Variants in CNGB3 observed in about 807,000 individuals in gnomAD.
CNGB3 encodes cyclic nucleotide gated channel subunit beta 3, also known as cyclic nucleotide-gated channel beta-3.
Under a neutral mutation model 92.8 loss-of-function variants are expected in CNGB3, and 86 were observed. The observed-to-expected ratio is 0.93, with a 90% CI of 0.78 to 1.11. The LOEUF is 1.11. Ranked by LOEUF, CNGB3 falls within the 50% of genes least tolerant of loss-of-function variation. The pLI, the probability that CNGB3 is intolerant of heterozygous loss-of-function variation, is 0.00. For missense variants in CNGB3, 1,026 were observed against 956.8 expected (o/e 1.07, Z -0.95); for synonymous variants, 333 against 332.7 (o/e 1.00, Z -0.01).
chr8:86,623,367 T>C (rs1313060452), intron 13 of CNGB3, among the ~76,000 whole-genome samples: 1 of 152,184 alleles, frequency 6.6e-6, no homozygotes, highest in Non-Finnish European at 1.5e-5. Context: ...AGAAATTTAT[T>C]TCTCACAGTT....
At chr8:86,670,234 T>G (rs936455153) in intron 4 of CNGB3, among the ~76,000 whole-genome samples, 1 of 152,218 alleles carries the variant, frequency 6.6e-6, no homozygotes, top group Non-Finnish European at 1.5e-5. Flanking sequence ...GTTGATGTCC[T>G]TTGCTCTCTT....
At chr8:86,642,321 T>G (rs1358941436) in intron 10 of CNGB3, among the ~76,000 whole-genome samples, 1 of 151,852 alleles carries the variant, frequency 6.6e-6, no homozygotes, top group Non-Finnish European at 1.5e-5. Context: ...TTTAGTCAAT[T>G]TTTAGATAAA....
At chr8:86,685,422 G>A (rs1462090657) in intron 3 of CNGB3, among the ~76,000 whole-genome samples, 1 of 152,002 alleles carries the variant, frequency 6.6e-6, no homozygotes, top group African/African-American at 2.4e-5. Context: ...TATGCACGTC[G>A]ACGTTTGAGA....
At chr8:86,733,777 A>G (rs1825199007) in intron 2 of CNGB3, among the ~76,000 whole-genome samples, 7 of 152,204 alleles carry the variant, frequency 4.6e-5, no homozygotes, top group Admixed American at 4.6e-4. Context: ...TAAATTGTAT[A>G]TGCTAATTGT....
At chr8:86,610,173 C>T (rs975535368) in intron 14 of CNGB3, among the ~76,000 whole-genome samples, 2 of 152,120 alleles carry the variant, frequency 1.3e-5, no homozygotes, top group East Asian at 1.9e-4. Context: ...GGAGCCCAGA[C>T]GTCTTCATTC....
intron 3 of CNGB3, among the ~76,000 whole-genome samples, chr8:86,700,950 G>A (rs1468041359): frequency 6.6e-6 from 1 of 152,132 alleles, no homozygotes; most frequent in East Asian, 1.9e-4. Flanking sequence ...GGGAAGGAAT[G>A]TTTTTGAATC....
At chr8:86,665,994 T>A (rs75477362) in intron 6 of CNGB3, among the ~76,000 whole-genome samples, 2,567 of 152,336 alleles carry the variant, frequency 0.017, 68 homozygotes, top group African/African-American at 0.059. Context: ...CTCTACTACA[T>A]GGAGGCACTT....
intron 3 of CNGB3, among the ~76,000 whole-genome samples, chr8:86,675,476 C>T (rs1226326619): frequency 6.6e-6 from 1 of 152,060 alleles, no homozygotes; most frequent in East Asian, 1.9e-4. Flanking sequence ...CTCACTCTGT[C>T]ACCATCATAG....
chr8:86,626,205 G>T, intron 12 of CNGB3, 125 bp from the exon 13 acceptor site: 1 of 714,186 alleles, frequency 1.4e-6, no homozygotes, highest in East Asian at 2.7e-5. Flanking sequence ...TACATAATTA[G>T]ATGCATCAGA....
chr8:86,601,516 CTTTA>C (rs1248915006), intron 15 of CNGB3, among the ~76,000 whole-genome samples: 31 of 151,360 alleles, frequency 2.0e-4, no homozygotes, highest in Non-Finnish European at 3.8e-4. Flanking sequence ...TAATGTTTTT[CTTTA>C]TTTTTTTTTT....
chr8:86,668,033 A>G lies in CNGB3; in HGVS notation c.629T>C (p.Ile210Thr). ...TTTGATAATACCTGTGTATGAATCT[A>G]TGCTGTTTGGAAGTTTAATTCGCTT... ...YLKRIKLPNS[I>T]DSYTDRLYLL... The change falls in exon 5 of 18, where the codon ATA becomes ACA. Residue 210 changes from isoleucine to threonine, a missense_variant. Coordinates refer to ENST00000320005, the MANE Select transcript of CNGB3 (RefSeq NM_019098.5). The G allele has an allele frequency of 6.2e-7, 1 of 1,614,142 alleles. No homozygotes were observed. The highest frequency in any genetic ancestry group is 1.6e-4 in the Middle Eastern group (1 of 6,062).
At chr8:86,683,340 G>A (rs1824119162) in intron 3 of CNGB3, among the ~76,000 whole-genome samples, 1 of 152,068 alleles carries the variant, frequency 6.6e-6, no homozygotes, top group African/African-American at 2.4e-5. Flanking sequence ...GCCAAACTAA[G>A]CATATCCAAG....
intron 13 of CNGB3, 30 bp downstream of exon 13, chr8:86,625,953 A>G: frequency 6.6e-7 from 1 of 1,515,472 alleles, no homozygotes; most frequent in Non-Finnish European, 9.2e-7. Flanking sequence ...AGAAATAGAT[A>G]CAGAGTCTAT....
Position 86,667,135 on chromosome 8 carries a change from T to C in CNGB3, c.644-2A>G. 6.2e-7 allele frequency: 1 copy of C among 1,613,148 alleles called. No individual in the cohort carries two copies. Among genetic ancestry groups the C allele is most frequent in the Non-Finnish European group, 8.5e-7 (1 of 1,179,272 alleles). ...AGAGCCACAGGAGATAGAGTCGATCTGGAAAAACAGCAAGTGGTGAAATCC... is the reference window on the plus strand; with the variant it reads ...AGAGCCACAGGAGATAGAGTCGATCCGGAAAAACAGCAAGTGGTGAAATCC... On this transcript the variant is annotated splice_acceptor_variant, in intron 5 of 17. Transcript: ENST00000320005. LOFTEE classifies it high-confidence loss of function.
chr8:86,608,985 C>T (rs1822466918), intron 14 of CNGB3, among the ~76,000 whole-genome samples: 1 of 152,174 alleles, frequency 6.6e-6, no homozygotes, highest in African/African-American at 2.4e-5. Context: ...TCTACACTCT[C>T]TCATCGCCGC....
intron 6 of CNGB3, among the ~76,000 whole-genome samples, chr8:86,656,897 A>G (rs1371102996): frequency 6.6e-6 from 1 of 152,154 alleles, no homozygotes; most frequent in Non-Finnish European, 1.5e-5. Flanking sequence ...CCCATGTACC[A>G]GCTTCAACCT....
At chr8:86,690,189 A>G (rs1023640440) in intron 3 of CNGB3, among the ~76,000 whole-genome samples, 62 of 152,314 alleles carry the variant, frequency 4.1e-4, no homozygotes, top group Admixed American at 1.0e-3. Flanking sequence ...ACAGTGTGAA[A>G]GTGTTCCTAT....
chr8:86,594,491 A>G, intron 15 of CNGB3: 1 of 296,826 alleles, frequency 3.4e-6, no homozygotes, highest in Non-Finnish European at 6.5e-6. Context: ...GGGACCCGAC[A>G]CGTAGCTCTG....
chr8:86,584,869 A>T (rs552156745), intron 15 of CNGB3, among the ~76,000 whole-genome samples: 91 of 152,336 alleles, frequency 6.0e-4, no homozygotes, highest in Admixed American at 3.3e-3. Context: ...AGTATTTATT[A>T]AGTGCCTACC....
Sources: allele counts gnomAD v4.1 joint callset (sites outside exome capture counted in the v4.1 genomes callset), GRCh38; gene constraint gnomAD v4.1.1; transcripts MANE v1.5; gene names NCBI Gene and HGNC (gene_info 2026-07-23, HGNC 2026-07-21).